The following ENPP1 variants were observed in gnomAD, a reference collection of about 807,000 sequenced individuals.
ENPP1 encodes the protein ectonucleotide pyrophosphatase/phosphodiesterase family member 1.
ENPP1 carries 73 observed loss-of-function variants against 122.8 expected under a neutral mutation model. That is an observed-to-expected ratio of 0.59 (90% CI 0.49 to 0.72). The LOEUF (loss-of-function observed/expected upper bound fraction) is 0.72, where lower values mean the gene tolerates loss of function less well. ENPP1 is among the 30% of genes least tolerant of loss of function. The pLI, the probability that ENPP1 is intolerant of heterozygous loss-of-function variation, is 0.00. For missense variants in ENPP1, 978 were observed against 1,128.1 expected, an observed-to-expected ratio of 0.87 and a Z score of 1.91; for synonymous variants, 367 against 391.6, an observed-to-expected ratio of 0.94 and a Z score of 0.74.
At chr6:131,837,938 A>G (rs1781697570) in intron 1 of ENPP1, among the ~76,000 whole-genome samples, 1 of 152,110 alleles carries the variant, frequency 6.6e-6, no homozygotes, top group African/African-American at 2.4e-5. Flanking sequence ...TTTACTTTCT[A>G]GATCTTTTTT....
intron 1 of ENPP1, among the ~76,000 whole-genome samples, chr6:131,825,036 G>T (rs886106685): frequency 6.6e-6 from 1 of 151,988 alleles, no homozygotes; most frequent in Admixed American, 6.6e-5. Context: ...CTCCAGCCTG[G>T]GTGACAGAGC....
chr6:131,835,539 G>T (rs1467181376), intron 1 of ENPP1, among the ~76,000 whole-genome samples: 1 of 152,002 alleles, frequency 6.6e-6, no homozygotes, highest in Non-Finnish European at 1.5e-5. Flanking sequence ...TAAAATAATT[G>T]TTTATTTTTA....
At position 131,892,651 on chromosome 6, in the gene ENPP1, T is replaced by C. The variant is rs1782486537; in HGVS notation, c.*2140T>C. ...ATACACAATTTAACTCAAAGCATCT[T>C]AGCAGAGCTTAATTAAATGGATAGA... On this transcript the variant is annotated 3_prime_UTR_variant, in exon 25 of 25. Coordinates refer to ENST00000647893, the MANE Select transcript of ENPP1 (RefSeq NM_006208.3). The C allele has an allele frequency of 6.6e-6, 1 of 152,202 alleles. No homozygotes were observed. Among genetic ancestry groups the C allele is most frequent in the African/African-American group, 2.4e-5 (1 of 41,454 alleles). 9.4% of individuals were successfully genotyped at this position (152,202 alleles called of 1,614,324 possible).
At chr6:131,841,869 G>A (rs904452106) in intron 1 of ENPP1, among the ~76,000 whole-genome samples, 3 of 152,210 alleles carry the variant, frequency 2.0e-5, no homozygotes, top group Non-Finnish European at 4.4e-5. Flanking sequence ...ATTTCCCACC[G>A]GACTCATAAC....
rs1781876170 is a variant in ENPP1, at chr6:131,851,195, A to G, written c.484A>G (p.Ser162Gly). 1 of 1,614,070 alleles carries G rather than the reference A, an allele frequency of 6.2e-7. No homozygotes were observed. Among genetic ancestry groups the G allele is most frequent in the Non-Finnish European group, 8.5e-7 (1 of 1,179,930 alleles). The change falls in exon 4 of 25, where the codon AGC becomes GGC. Residue 162 changes from serine (S) to glycine (G), a missense_variant. By Grantham distance (56) the Ser-to-Gly change is moderately conservative. Coordinates refer to ENST00000647893, the MANE Select transcript of ENPP1 (RefSeq NM_006208.3). ...FRCGEKRLTRSLCACSDDCKD... is the reference protein window; with the variant it reads ...FRCGEKRLTRGLCACSDDCKD... ...GTGTGGTGAGAAAAGGTTGACCAGA[A>G]GCCTCTGTGCCTGTTCAGATGACTG...
At chr6:131,844,168 G>A (rs1781775801) in intron 1 of ENPP1, among the ~76,000 whole-genome samples, 1 of 152,118 alleles carries the variant, frequency 6.6e-6, no homozygotes, top group Non-Finnish European at 1.5e-5. Flanking sequence ...TAAACACCTT[G>A]GACAACTATT....
At chr6:131,865,994 CA>C (rs1554203830) in intron 11 of ENPP1, among the ~76,000 whole-genome samples, 310 of 92,414 alleles carry the variant, frequency 3.4e-3, no homozygotes, top group Middle Eastern at 5.6e-3. Flanking sequence ...GACTCTGTCT[CA>C]AAAAAAAAAA....
chr6:131,864,303 A>C (rs899849326), intron 9 of ENPP1, among the ~76,000 whole-genome samples: 1 of 152,230 alleles, frequency 6.6e-6, no homozygotes, highest in Non-Finnish European at 1.5e-5. Flanking sequence ...TTTTAAATCC[A>C]ATTGCAATTT....
At chr6:131,851,417 A>G in intron 4 of ENPP1, 150 bp downstream of exon 4, 3 of 883,586 alleles carry the variant, frequency 3.4e-6, no homozygotes, top group South Asian at 1.5e-5. Flanking sequence ...TTATTAAAGA[A>G]ACTTTTAAAC....
At chr6:131,820,200 C>T (rs911692349) in intron 1 of ENPP1, 4 of 228,950 alleles carry the variant, frequency 1.7e-5, no homozygotes, top group Non-Finnish European at 3.5e-5. Flanking sequence ...TCTGAAAAGG[C>T]ATCTTAGGGT....
rs768610723 is a variant in ENPP1 at position 131,880,013 on chromosome 6, A to G, written c.2079A>G (p.Thr693=). 17 of 1,614,040 alleles carry G rather than the reference A, an allele frequency of 1.1e-5. No individual in the cohort carries two copies. Among genetic ancestry groups the G allele is most frequent in the Non-Finnish European group, 1.4e-5 (17 of 1,179,994 alleles). ...AAGACATCTTAATGCCCCTTTGGAC[A>G]TCCTATACCGTGGACAGAAATGCAA... ...YSQDILMPLW[T]SYTVDRNDSF... The change falls in exon 20 of 25, where the codon ACA becomes ACG. Residue 693 remains threonine (T), a synonymous_variant. Transcript: ENST00000647893.
At position 131,858,177 on chromosome 6, in the gene ENPP1, T is replaced by C. The variant is rs189289371; in HGVS notation, c.716-491T>C. ...CAGGAATAGTCGGACTTCTGCACTT[T>C]CTTGGACTTGAAGCCACAAGATGCC... On this transcript the variant is annotated intron_variant, in intron 6 of 24. Transcript: ENST00000647893. Among the ~76,000 whole-genome samples, 131 of 152,298 alleles carry C rather than the reference T, an allele frequency of 8.6e-4. 1 individual carries two copies. Among genetic ancestry groups the C allele is most frequent in the African/African-American group, 3.0e-3 (123 of 41,560 alleles).
rs1270915566 is a variant in ENPP1 at position 131,808,288 on chromosome 6, C to G, written c.240+13C>G. On this transcript the variant is annotated intron_variant, in intron 1 of 24. Coordinates refer to ENST00000647893, the MANE Select transcript of ENPP1 (RefSeq NM_006208.3). ...AGTACTCTCGCTGGTAGGTCCGCGG[C>G]CAGGCCCCGGCGCCCGGGAGGGCTG... 5 of 1,487,370 alleles carry G rather than the reference C, an allele frequency of 3.4e-6. No homozygotes were observed. The highest frequency in any genetic ancestry group is 4.5e-6 in the Non-Finnish European group (5 of 1,114,456). The allele number at this position is 1,487,370 out of a possible 1,614,324, so 92.1% of individuals were successfully genotyped here.
chr6:131,849,967 G>T, intron 2 of ENPP1, 23 bp from the exon 3 acceptor site: 1 of 1,502,394 alleles, frequency 6.7e-7, no homozygotes, highest in South Asian at 1.1e-5. Flanking sequence ...AGAAACATCT[G>T]ACTTATCGTT....
intron 16 of ENPP1, among the ~76,000 whole-genome samples, chr6:131,875,361 A>G (rs561017586): frequency 6.6e-6 from 1 of 152,284 alleles, no homozygotes; most frequent in South Asian, 2.1e-4. Flanking sequence ...AATAGATAAG[A>G]AAGTATCAGA....
chr6:131,812,665 A>G (rs1781368605), intron 1 of ENPP1, among the ~76,000 whole-genome samples: 1 of 152,194 alleles, frequency 6.6e-6, no homozygotes, highest in South Asian at 2.1e-4. Context: ...ACACTTTCTC[A>G]AGGAGTCCTG....
intron 6 of ENPP1, among the ~76,000 whole-genome samples, chr6:131,855,339 T>G (rs978443481): frequency 6.6e-6 from 1 of 152,202 alleles, no homozygotes; most frequent in African/African-American, 2.4e-5. Context: ...AATATTATTA[T>G]TTTTGAGACT....
In ENPP1 at chr6:131,891,143, G is replaced by GT. The variant is rs1292832098; in HGVS notation, c.*634dup. 6.6e-6 allele frequency: 1 copy of GT among 152,190 alleles called. No individual in the cohort carries two copies. Among genetic ancestry groups the GT allele is most frequent in the African/African-American group, 2.4e-5 (1 of 41,382 alleles). The allele number at this position is 152,190 out of a possible 1,614,324, so 9.4% of individuals were successfully genotyped here. A position where few individuals can be genotyped will look rare whatever the true frequency, so the allele number is the denominator to read the frequency against. On this transcript the variant is annotated 3_prime_UTR_variant, in exon 25 of 25. Coordinates refer to ENST00000647893, the MANE Select transcript of ENPP1 (RefSeq NM_006208.3). Reference sequence around the variant, plus strand: ...TCTTTAGATTTAATGGTTCAAATGAGTTCAACTTTGAGGGACGATCTTTGA... The same window carrying GT: ...TCTTTAGATTTAATGGTTCAAATGAGTTTCAACTTTGAGGGACGATCTTTGA...
intron 24 of ENPP1, among the ~76,000 whole-genome samples, chr6:131,887,209 T>G (rs1782391742): frequency 6.6e-6 from 1 of 152,260 alleles, no homozygotes; most frequent in African/African-American, 2.4e-5. Flanking sequence ...CTGTTATAAA[T>G]TAAAGTTGTT....
Sources: gnomAD v4.1 joint callset for allele counts (sites outside exome capture counted in the v4.1 genomes callset) on GRCh38, gnomAD v4.1.1 for gene constraint, MANE v1.5 for transcripts, NCBI Gene and HGNC (gene_info 2026-07-23, HGNC 2026-07-21) for gene names.